The following F10 variants were observed in gnomAD, a reference collection of about 807,000 sequenced individuals.
F10 encodes Stuart-Prower factor.
In F10, 29 loss-of-function variants were observed where a neutral mutation model predicts 37.1. The ratio of observed to expected loss-of-function variants is 0.78; its 90% confidence interval spans 0.58 to 1.07. The LOEUF (loss-of-function observed/expected upper bound fraction) is 1.07, where lower values mean the gene tolerates loss of function less well. Ranked by LOEUF, F10 falls within the 50% of genes least tolerant of loss-of-function variation. The pLI, the probability that F10 is intolerant of heterozygous loss-of-function variation, is 0.00. For missense variants in F10, 539 were observed against 667.9 expected (o/e 0.81, Z 2.13); for synonymous variants, 262 against 268.6 (o/e 0.98, Z 0.24).
rs771636309 is a variant in F10 at position 113,148,929 on chromosome 13, G to C, written c.879G>C (p.Thr293=). The change falls in exon 8 of 8, where the codon ACG becomes ACC. Residue 293 remains threonine, a synonymous_variant. Transcript: ENST00000375559. ...CGTCTGTCCCAGGGGACCGGAACAC[G>C]GAGCAGGAGGAGGGCGGTGAGGCGG... The part of the protein sequence containing the change: ...RFKVRVGDRN[T]EQEEGGEAVH... 1 of 1,613,398 alleles carries C rather than the reference G, an allele frequency of 6.2e-7. No individual in the cohort carries two copies. The highest frequency in any genetic ancestry group is 8.5e-7 in the Non-Finnish European group (1 of 1,179,914).
At chr13:113,148,459 A>G (rs2036606602) in intron 7 of F10, among the ~76,000 whole-genome samples, 1 of 151,178 alleles carries the variant, frequency 6.6e-6, no homozygotes, top group Non-Finnish European at 1.5e-5. Context: ...TGAAAATATT[A>G]CTTTTTCCAT....
intron 2 of F10, chr13:113,130,939 T>G (rs911045674): frequency 3.3e-5 from 5 of 152,266 alleles, no homozygotes; most frequent in Non-Finnish European, 7.3e-5. Context: ...CCTGCAAAAT[T>G]GCACTGCTGC....
At position 113,136,464 on chromosome 13, in the gene F10, A is replaced by G. The variant is rs75840737; in HGVS notation, c.232-1993A>G. Reference sequence around the variant, plus strand: ...AACTCTAGTCTTTTTTTTTTTTTTTAATTTTTATTTTTTGAGACAGAGTCT... The same window carrying G: ...AACTCTAGTCTTTTTTTTTTTTTTTGATTTTTATTTTTTGAGACAGAGTCT... On this transcript the variant is annotated intron_variant, in intron 2 of 7. Coordinates refer to ENST00000375559, the MANE Select transcript of F10 (RefSeq NM_000504.4). Among the ~76,000 whole-genome samples, 3 of 132,046 alleles carry G rather than the reference A, an allele frequency of 2.3e-5. No homozygotes were observed. The Admixed American group carries it at 2.3e-4, about 10-fold the overall frequency. 86.6% of individuals were successfully genotyped at this position (132,046 alleles called of 152,430 possible). A position where few individuals can be genotyped will look rare whatever the true frequency, so the allele number is the denominator to read the frequency against.
chr13:113,129,495 C>T lies in F10; in HGVS notation c.114C>T (p.Val38=). 1.2e-6 allele frequency: 2 copies of T among 1,614,098 alleles called. No homozygotes were observed. Among genetic ancestry groups the T allele is most frequent in the Non-Finnish European group, 1.7e-6 (2 of 1,180,012 alleles). Residue 38 remains valine (V), a synonymous_variant, in exon 2 of 8, where the codon GTC becomes GTT. Coordinates refer to ENST00000375559, the MANE Select transcript of F10 (RefSeq NM_000504.4). ...AGGCCAACAACATCCTGGCGAGGGT[C>T]ACGAGGGCCAATTCCTTTCTTGAAG... ...REQANNILAR[V]TRANSFLEEM...
rs185385365 is a variant in F10 at position 113,135,183 on chromosome 13, C to T, written c.232-3274C>T. On this transcript the variant is annotated intron_variant, in intron 2 of 7. Transcript: ENST00000375559. The stretch of plus-strand genomic sequence containing the variant: ...ACTTGAACCTGGGAGGTGAAGGTTG[C>T]AGTGAGCCAAGATCAAGCCATTGCA... Among the ~76,000 whole-genome samples the T allele has an allele frequency of 1.7e-4, 25 of 150,838 alleles. No homozygotes were observed. The East Asian group carries it at 2.5e-3, about 15-fold the overall frequency.
intron 4 of F10, chr13:113,140,455 A>G (rs2036517258): frequency 4.3e-6 from 2 of 465,510 alleles, no homozygotes; most frequent in East Asian, 1.4e-4. Flanking sequence ...TCAATTACGC[A>G]TCATTCCATT....
At chr13:113,133,491 C>A (rs539891030) in intron 2 of F10, among the ~76,000 whole-genome samples, 14 of 152,224 alleles carry the variant, frequency 9.2e-5, no homozygotes, top group African/African-American at 3.1e-4. Context: ...CCACAAGCCA[C>A]CAAAACATAC....
Position 113,129,582 on chromosome 13 carries a change from C to T in F10, c.201C>T (p.Ala67=). ...CMEETCSYEE[A]REVFEDSDKT... is the part of the protein sequence containing the mutation. ...AAGAGACCTGCTCATACGAAGAGGC[C>T]CGCGAGGTCTTTGAGGACAGCGACA... The change falls in exon 2 of 8, where the codon GCC becomes GCT. Residue 67 remains alanine, a synonymous_variant. Coordinates refer to ENST00000375559, the MANE Select transcript of F10 (RefSeq NM_000504.4). 1.2e-6 allele frequency: 2 copies of T among 1,614,196 alleles called. No individual in the cohort carries two copies. The highest frequency in any genetic ancestry group is 1.1e-5 in the South Asian group (1 of 91,080).
At chr13:113,123,696 A>C (rs1239998780) in intron 1 of F10, among the ~76,000 whole-genome samples, 1 of 152,106 alleles carries the variant, frequency 6.6e-6, no homozygotes, top group African/African-American at 2.4e-5. Context: ...CGTGGGGTGG[A>C]AAGGGGAGAC....
At chr13:113,129,412 G>A in intron 1 of F10, 40 bp from the exon 2 acceptor site, 1 of 1,612,326 alleles carries the variant, frequency 6.2e-7, no homozygotes, top group Non-Finnish European at 8.5e-7. Context: ...CCTGGGTGAG[G>A]GTGACCAGAG....
At chr13:113,131,882 A>G (rs879317922) in intron 2 of F10, 2 of 152,322 alleles carry the variant, frequency 1.3e-5, no homozygotes, top group African/African-American at 4.8e-5. Flanking sequence ...ACCCTGGAAT[A>G]TGGGCTTCCG....
At chr13:113,142,141 G>A (rs142920308) in intron 5 of F10, among the ~76,000 whole-genome samples, 1 of 152,312 alleles carries the variant, frequency 6.6e-6, no homozygotes, top group East Asian at 1.9e-4. Flanking sequence ...CTTGCTACTG[G>A]CAATGACATT....
At chr13:113,126,860 C>G (rs189729219) in intron 1 of F10, among the ~76,000 whole-genome samples, 1 of 152,326 alleles carries the variant, frequency 6.6e-6, no homozygotes, top group East Asian at 1.9e-4. Flanking sequence ...TGGGCATTCC[C>G]CACCCCTCAG....
intron 7 of F10, 64 bp downstream of exon 7, chr13:113,147,560 C>T (rs1382861946): frequency 1.0e-6 from 1 of 984,578 alleles, no homozygotes; most frequent in South Asian, 1.3e-5. Flanking sequence ...TTTTCAGAAA[C>T]CACTAAAGCT....
intron 2 of F10, among the ~76,000 whole-genome samples, chr13:113,133,173 C>T (rs985022212): frequency 2.0e-5 from 3 of 151,728 alleles, no homozygotes; most frequent in South Asian, 2.1e-4. Flanking sequence ...TGTAAGCTTC[C>T]ACTTTAATAA....
chr13:113,143,709 T>TAATC lies in F10; in HGVS notation c.503-142_503-141insAATC. 8.4e-6 allele frequency: 11 copies of TAATC among 1,311,350 alleles called. No homozygotes were observed. The highest frequency in any genetic ancestry group is 6.1e-5 in the Admixed American group (3 of 49,064). 81.2% of individuals were successfully genotyped at this position (1,311,350 alleles called of 1,614,324 possible). A position where few individuals can be genotyped will look rare whatever the true frequency, so the allele number is the denominator to read the frequency against. On this transcript the variant is annotated intron_variant, in intron 5 of 7. Coordinates refer to ENST00000375559, the MANE Select transcript of F10 (RefSeq NM_000504.4). This position sits in a 1 kb window ranked among gnomAD's most constrained non-coding sequence, Gnocchi z 6.8. ...CGACCCCTGCCGACGACGTGGGGCC[T>TAATC]CGCCCTGCAAGCCCGCTGCCCCTCC...
Position 113,149,496 on chromosome 13 carries a change from A to T in F10, c.1446A>T (p.Ile482=). ...PKAKSHAPEV[I]TSSPLK Reference sequence around the variant, plus strand: ...CCAAGAGCCATGCCCCGGAGGTCATAACGTCCTCTCCATTAAAGTGAGATC... The same window carrying T: ...CCAAGAGCCATGCCCCGGAGGTCATTACGTCCTCTCCATTAAAGTGAGATC... The change falls in exon 8 of 8, where the codon ATA becomes ATT. Residue 482 remains isoleucine (I), a synonymous_variant. Coordinates refer to ENST00000375559, the MANE Select transcript of F10 (RefSeq NM_000504.4). This position sits in a 1 kb window ranked among gnomAD's most constrained non-coding sequence, Gnocchi z 7.5. The T allele has an allele frequency of 1.9e-6, 3 of 1,613,160 alleles. No individual in the cohort carries two copies. Among genetic ancestry groups the T allele is most frequent in the Non-Finnish European group, 2.5e-6 (3 of 1,180,036 alleles).
intron 1 of F10, 50 bp from the exon 2 acceptor site, chr13:113,129,402 C>A: frequency 6.2e-7 from 1 of 1,611,012 alleles, no homozygotes; most frequent in Non-Finnish European, 8.5e-7. Flanking sequence ...TGAGGGGGAG[C>A]CTGGGTGAGG....
rs3211733 is a variant in F10, at chr13:113,129,067, T to A, written c.71-385T>A. ...CATTTATTTTAGGGCCTGCTATATG[T>A]CATGTGATCCTATACTAGAGAAGTC... On this transcript the variant is annotated intron_variant, in intron 1 of 7. Coordinates refer to ENST00000375559, the MANE Select transcript of F10 (RefSeq NM_000504.4). Among the ~76,000 whole-genome samples the A allele has an allele frequency of 6.0e-3, 915 of 152,236 alleles. 11 individuals carry two copies. Among genetic ancestry groups the A allele is most frequent in the African/African-American group, 0.021 (878 of 41,514 alleles).
Sources: allele counts gnomAD v4.1 joint callset (sites outside exome capture counted in the v4.1 genomes callset), GRCh38; gene constraint gnomAD v4.1.1; non-coding constraint Gnocchi (gnomAD v3.1); transcripts MANE v1.5; gene names NCBI Gene and HGNC (gene_info 2026-07-23, HGNC 2026-07-21).